Variants in AUTS2 observed in about 807,000 individuals in gnomAD.
The protein encoded by AUTS2 is activator of transcription and developmental regulator AUTS2, also known as autism susceptibility gene 2 protein.
A neutral mutation model predicts 112.4 loss-of-function variants in AUTS2; 17 were observed. The ratio of observed to expected loss-of-function variants is 0.15; its 90% CI spans 0.10 to 0.23. The LOEUF (loss-of-function observed/expected upper bound fraction) is 0.23, where lower values mean the gene tolerates loss of function less well. Ranked by LOEUF, AUTS2 falls within the 10% of genes least tolerant of loss-of-function variation. The pLI is 1.00. For missense variants in AUTS2, 1,510 were observed against 1,701.6 expected (o/e 0.89, Z 1.98); for synonymous variants, 751 against 702.7 (o/e 1.07, Z -1.09).
At chr7:70,483,944 G>A (rs1797886090) in intron 5 of AUTS2, among the ~76,000 whole-genome samples, 1 of 152,018 alleles carries the variant, frequency 6.6e-6, no homozygotes, top group Non-Finnish European at 1.5e-5. Context: ...TTATTTAGTG[G>A]TCTGCCCTGA....
At chr7:70,122,201 G>A (rs887260041) in intron 3 of AUTS2, among the ~76,000 whole-genome samples, 2 of 152,104 alleles carry the variant, frequency 1.3e-5, no homozygotes, top group African/African-American at 4.8e-5. Context: ...GTGGGAGGGA[G>A]GAAAGCTATT....
intron 2 of AUTS2, among the ~76,000 whole-genome samples, chr7:70,095,504 C>G (rs1488471026): frequency 1.3e-5 from 2 of 152,080 alleles, no homozygotes. Flanking sequence ...TAAGGCACTT[C>G]TGTTATTCAT....
chr7:70,096,335 G>A (rs1357367205), intron 2 of AUTS2, among the ~76,000 whole-genome samples: 4 of 152,122 alleles, frequency 2.6e-5, no homozygotes, highest in Middle Eastern at 3.4e-3. Flanking sequence ...AGTGGCTCAC[G>A]TCTGTAATCC....
rs1017070146 is a variant in AUTS2, at chr7:70,787,118, A to G, written c.2309-91A>G. 7.9e-6 allele frequency: 9 copies of G among 1,133,362 alleles called. No individual in the cohort carries two copies. The African/African-American group carries it at 1.4e-4, about 17-fold the overall frequency. The allele number at this position is 1,133,362 out of a possible 1,614,324, so 70.2% of individuals were successfully genotyped here. On this transcript the variant is annotated intron_variant, in intron 17 of 18. Transcript: ENST00000342771. ...TAATATGTATTCATTTTAACTCTGAATGCTGTTAAAAGTTTTTTGGTAAGT... is the reference window on the plus strand; with the variant it reads ...TAATATGTATTCATTTTAACTCTGAGTGCTGTTAAAAGTTTTTTGGTAAGT...
chr7:70,215,896 A>G (rs1811141041), intron 4 of AUTS2, among the ~76,000 whole-genome samples: 1 of 152,198 alleles, frequency 6.6e-6, no homozygotes, highest in Non-Finnish European at 1.5e-5. Flanking sequence ...GTTTAGTAAT[A>G]CAATTTGGCT....
chr7:69,886,995 T>C (rs1463836959), intron 1 of AUTS2, among the ~76,000 whole-genome samples: 2 of 152,170 alleles, frequency 1.3e-5, no homozygotes, highest in African/African-American at 4.8e-5. Flanking sequence ...CAGGCTGGTC[T>C]TGAACTCCTG....
At chr7:70,285,952 G>T (rs1554356704) in intron 4 of AUTS2, among the ~76,000 whole-genome samples, 1 of 152,216 alleles carries the variant, frequency 6.6e-6, no homozygotes, top group South Asian at 2.1e-4. Flanking sequence ...TATTAGCAAT[G>T]TTGTAAGGGG....
intron 1 of AUTS2, among the ~76,000 whole-genome samples, chr7:69,612,861 GTTTC>G (rs1226787002): frequency 6.6e-6 from 1 of 152,160 alleles, no homozygotes; most frequent in Non-Finnish European, 1.5e-5. Context: ...TTTCAGAACT[GTTTC>G]TTTCTTCACT....
intron 5 of AUTS2, among the ~76,000 whole-genome samples, chr7:70,673,716 A>G (rs1417225425): frequency 6.6e-6 from 1 of 151,994 alleles, no homozygotes; most frequent in Non-Finnish European, 1.5e-5. Context: ...CCAGTGCTGG[A>G]TTGTGAGCTC....
chr7:70,467,985 T>A (rs1797233348), intron 5 of AUTS2, among the ~76,000 whole-genome samples: 1 of 152,208 alleles, frequency 6.6e-6, no homozygotes, highest in South Asian at 2.1e-4. Context: ...GTTGAGGACT[T>A]ATCTGACATG....
chr7:69,802,373 T>C (rs1315279493), intron 1 of AUTS2, among the ~76,000 whole-genome samples: 1 of 152,184 alleles, frequency 6.6e-6, no homozygotes, highest in Non-Finnish European at 1.5e-5. Flanking sequence ...CACAGTGTAT[T>C]TCTCACTTAA....
intron 4 of AUTS2, among the ~76,000 whole-genome samples, chr7:70,383,851 G>A (rs1793487602): frequency 6.6e-6 from 1 of 152,124 alleles, no homozygotes; most frequent in East Asian, 1.9e-4. Context: ...TCCATTAGAC[G>A]ATGCCTTTGT....
At chr7:70,327,381 A>G (rs1313793909) in intron 4 of AUTS2, among the ~76,000 whole-genome samples, 1 of 152,144 alleles carries the variant, frequency 6.6e-6, no homozygotes, top group East Asian at 1.9e-4. Flanking sequence ...CAAAATGCCT[A>G]TTTATCAGCC....
intron 4 of AUTS2, among the ~76,000 whole-genome samples, chr7:70,225,961 TAAACTGTAC>T (rs1387340666): frequency 1.3e-5 from 2 of 152,190 alleles, no homozygotes; most frequent in African/African-American, 4.8e-5. Context: ...CCAGCCTCTG[TAAACTGTAC>T]AGAGAGCTAT....
At chr7:69,892,094 G>A (rs1329859039) in intron 1 of AUTS2, among the ~76,000 whole-genome samples, 1 of 150,712 alleles carries the variant, frequency 6.6e-6, no homozygotes, top group Non-Finnish European at 1.5e-5. Flanking sequence ...CCTGGCCCCA[G>A]ATATCTTCTT....
rs865873208 is a variant in AUTS2 at position 70,221,678 on chromosome 7, G to A, written c.660+87107G>A. ...GAGGTGGGCAGATCACCTGAGGTCA[G>A]GAGTTTGAGGCCAGCTTGGCCAACA... On this transcript the variant is annotated intron_variant, in intron 4 of 18. Transcript: ENST00000342771. Among the ~76,000 whole-genome samples, 4 of 152,338 alleles carry A rather than the reference G, an allele frequency of 2.6e-5. 1 individual carries two copies. The highest frequency in any genetic ancestry group is 3.4e-3 in the Middle Eastern group (1 of 294).
intron 2 of AUTS2, among the ~76,000 whole-genome samples, chr7:69,962,389 A>T (rs919735166): frequency 6.6e-6 from 1 of 152,174 alleles, no homozygotes; most frequent in Non-Finnish European, 1.5e-5. Context: ...TGCTCAGATG[A>T]TATGCACTTC....
chr7:70,570,302 A>G (rs1801885539), intron 5 of AUTS2, among the ~76,000 whole-genome samples: 1 of 152,178 alleles, frequency 6.6e-6, no homozygotes, highest in Non-Finnish European at 1.5e-5. Context: ...CCTTCTCCAG[A>G]GTCCTTCCTT....
At chr7:70,647,310 G>A (rs567602573) in intron 5 of AUTS2, among the ~76,000 whole-genome samples, 3 of 152,292 alleles carry the variant, frequency 2.0e-5, no homozygotes, top group Admixed American at 1.3e-4. Flanking sequence ...TCTGGGGGCC[G>A]TGGGAGCTGG....
Sources: allele counts gnomAD v4.1 joint callset (sites outside exome capture counted in the v4.1 genomes callset), GRCh38; gene constraint gnomAD v4.1.1; transcripts MANE v1.5; gene names NCBI Gene and HGNC (gene_info 2026-07-23, HGNC 2026-07-21).